Variants in ANO10 observed in about 807,000 individuals in gnomAD.
ANO10 encodes the protein anoctamin 10, also known as anoctamin-10.
In ANO10, 77 loss-of-function variants were observed where a neutral mutation model predicts 74.7. The observed-to-expected ratio is 1.03, with a 90% CI of 0.86 to 1.25. The LOEUF (loss-of-function observed/expected upper bound fraction) is 1.25. ANO10 is among the 50% of genes most tolerant of loss of function. The pLI, the probability that ANO10 is intolerant of heterozygous loss-of-function variation, is 0.00. For synonymous variants in ANO10, 279 were observed against 284.9 expected, an observed-to-expected ratio of 0.98 and a Z score of 0.21; for missense variants, 721 against 778.1, an observed-to-expected ratio of 0.93 and a Z score of 0.87.
At chr3:43,576,525 T>C (rs549603437) in intron 6 of ANO10, among the ~76,000 whole-genome samples, 167 bp downstream of exon 6, 2 of 152,336 alleles carry the variant, frequency 1.3e-5, no homozygotes, top group African/African-American at 4.8e-5. Context: ...AACCATGGCA[T>C]GGAGATCATC....
chr3:43,614,706 C>G (rs947714156), intron 1 of ANO10, among the ~76,000 whole-genome samples: 1 of 145,184 alleles, frequency 6.9e-6, no homozygotes, highest in African/African-American at 2.5e-5. Context: ...ATTAAACGTT[C>G]ATACTCTTCA....
chr3:43,540,757 G>C (rs909634634), intron 11 of ANO10, among the ~76,000 whole-genome samples: 1 of 152,232 alleles, frequency 6.6e-6, no homozygotes, highest in Non-Finnish European at 1.5e-5. Flanking sequence ...GGAATGGAGA[G>C]AGCTGGGTTA....
At chr3:43,489,098 C>T (rs1367181803) in intron 11 of ANO10, among the ~76,000 whole-genome samples, 4 of 147,162 alleles carry the variant, frequency 2.7e-5, no homozygotes, top group Non-Finnish European at 5.9e-5. Context: ...CATATTCTCA[C>T]GCATAGGTGG....
intron 11 of ANO10, among the ~76,000 whole-genome samples, chr3:43,516,598 G>A (rs2077721737): frequency 6.6e-6 from 1 of 152,132 alleles, no homozygotes; most frequent in East Asian, 1.9e-4. Flanking sequence ...ACACATATTA[G>A]ACTGGAGAGA....
intron 11 of ANO10, among the ~76,000 whole-genome samples, chr3:43,436,083 A>T (rs1247727663): frequency 6.6e-6 from 1 of 152,220 alleles, no homozygotes; most frequent in East Asian, 1.9e-4. Context: ...GTTAAGCATC[A>T]TTAAGGAAGC....
intron 1 of ANO10, among the ~76,000 whole-genome samples, chr3:43,678,054 TA>T (rs2084145652): frequency 6.6e-6 from 1 of 152,162 alleles, no homozygotes; most frequent in Non-Finnish European, 1.5e-5. Context: ...AAGTTGAAAA[TA>T]CTGTTAAATT....
At chr3:43,475,138 T>C (rs1337615299) in intron 11 of ANO10, among the ~76,000 whole-genome samples, 2 of 152,226 alleles carry the variant, frequency 1.3e-5, no homozygotes, top group Non-Finnish European at 2.9e-5. Flanking sequence ...ATGTCACGGC[T>C]GTCTTTCCAA....
intron 1 of ANO10, among the ~76,000 whole-genome samples, chr3:43,657,765 T>C (rs935656052): frequency 1.3e-5 from 2 of 152,230 alleles, no homozygotes; most frequent in Admixed American, 6.5e-5. Context: ...AGGTATATTT[T>C]TTCTTGTTTA....
intron 11 of ANO10, among the ~76,000 whole-genome samples, chr3:43,538,328 TAAGAA>T (rs1342780940): frequency 1.3e-5 from 2 of 151,910 alleles, no homozygotes; most frequent in East Asian, 1.9e-4. Context: ...GGAAAAAAAA[TAAGAA>T]AAGAGGTATC....
intron 12 of ANO10, among the ~76,000 whole-genome samples, chr3:43,402,781 T>C (rs529917395): frequency 2.7e-4 from 41 of 152,328 alleles, no homozygotes; most frequent in African/African-American, 9.6e-4. Flanking sequence ...TTTAAAAACA[T>C]GCCTTAGTGT....
intron 1 of ANO10, among the ~76,000 whole-genome samples, chr3:43,644,084 T>TTTTG (rs377459865): frequency 0.021 from 3,134 of 152,158 alleles, 61 homozygotes; most frequent in African/African-American, 0.051. Context: ...TCCCTGATTT[T>TTTTG]TTTGTTTGTT....
chr3:43,419,919 T>G (rs2092795244), intron 12 of ANO10, among the ~76,000 whole-genome samples: 1 of 152,230 alleles, frequency 6.6e-6, no homozygotes, highest in South Asian at 2.1e-4. Flanking sequence ...AAGTGATTAT[T>G]TTCCTTTAGG....
chr3:43,388,334 T>C (rs530781271), intron 12 of ANO10, among the ~76,000 whole-genome samples: 1 of 152,092 alleles, frequency 6.6e-6, no homozygotes, highest in Non-Finnish European at 1.5e-5. Context: ...GAATCAACCA[T>C]GAACTCGGTC....
intron 1 of ANO10, among the ~76,000 whole-genome samples, chr3:43,635,787 A>AT (rs994094427): frequency 6.6e-6 from 1 of 151,724 alleles, no homozygotes; most frequent in African/African-American, 2.4e-5. Context: ...TGCCCAGCTA[A>AT]TTTTTTTGTA....
chr3:43,659,375 T>C (rs963543706), intron 1 of ANO10, among the ~76,000 whole-genome samples: 2 of 152,064 alleles, frequency 1.3e-5, no homozygotes, highest in Non-Finnish European at 2.9e-5. Context: ...TTTCCCATGG[T>C]CTCTGCAACC....
chr3:43,669,084 C>T (rs946129229), intron 1 of ANO10, among the ~76,000 whole-genome samples: 6 of 152,236 alleles, frequency 3.9e-5, no homozygotes, highest in Non-Finnish European at 8.8e-5. Flanking sequence ...GGACTGCAAC[C>T]TTCACCAGTG....
At chr3:43,431,670 T>G (rs573746629) in intron 12 of ANO10, among the ~76,000 whole-genome samples, 19 of 152,130 alleles carry the variant, frequency 1.2e-4, no homozygotes, top group African/African-American at 4.6e-4. Context: ...TGAGCACAGC[T>G]ATGGCTAGTG....
chr3:43,366,827 G>A lies in ANO10; in HGVS notation c.*79C>T, dbSNP rs1180693324. On this transcript the variant is annotated 3_prime_UTR_variant, in exon 13 of 13. Transcript: ENST00000292246. Reference sequence around the variant, plus strand: ...GGTTCAGGAGCCACGATGCTGCCCCGGGTACCCCCCCTGCCACCGTGGCAG... The same window carrying A: ...GGTTCAGGAGCCACGATGCTGCCCCAGGTACCCCCCCTGCCACCGTGGCAG... The A allele has an allele frequency of 1.4e-5, 20 of 1,436,650 alleles. No homozygotes were observed. In the Admixed American group the frequency reaches 2.4e-4, roughly 17 times the overall value. 89.0% of individuals were successfully genotyped at this position (1,436,650 alleles called of 1,614,324 possible). A position where few individuals can be genotyped will look rare whatever the true frequency, so the allele number is the denominator to read the frequency against.
At chr3:43,628,099 T>C (rs1559376063) in intron 1 of ANO10, among the ~76,000 whole-genome samples, 1 of 152,160 alleles carries the variant, frequency 6.6e-6, no homozygotes, top group Non-Finnish European at 1.5e-5. Context: ...TAATAATTAT[T>C]TTTCCTCCTT....
Sources: allele counts gnomAD v4.1 joint callset (sites outside exome capture counted in the v4.1 genomes callset), GRCh38; gene constraint gnomAD v4.1.1; transcripts MANE v1.5; gene names NCBI Gene and HGNC (gene_info 2026-07-23, HGNC 2026-07-21).